The following ANKRD12 variants were observed in gnomAD, a reference collection of about 807,000 sequenced individuals.
ANKRD12 encodes ankyrin repeat domain-containing protein 12.
ANKRD12 carries 85 observed loss-of-function variants against 183.4 expected under a neutral mutation model. The observed-to-expected ratio is 0.46, with a 90% CI of 0.39 to 0.56. The LOEUF (loss-of-function observed/expected upper bound fraction) is 0.56, where lower values mean the gene tolerates loss of function less well. ANKRD12 is among the 20% of genes least tolerant of loss of function. The pLI is 0.00. For synonymous variants in ANKRD12, 914 were observed against 800.2 expected (o/e 1.14, Z -2.40); for missense variants, 2,405 against 2,357.1 (o/e 1.02, Z -0.42).
chr18:9,261,106 A>T (rs2038938915), intron 9 of ANKRD12, among the ~76,000 whole-genome samples: 1 of 152,006 alleles, frequency 6.6e-6, no homozygotes, highest in Admixed American at 6.5e-5. Flanking sequence ...CCTCCATCTC[A>T]CACCAACACA....
intron 7 of ANKRD12, among the ~76,000 whole-genome samples, chr18:9,221,531 G>A (rs575617042): frequency 3.3e-5 from 5 of 152,282 alleles, no homozygotes; most frequent in South Asian, 2.1e-4. Flanking sequence ...AGCAGAACTC[G>A]GAAGTGTAGA....
Position 9,255,560 on chromosome 18 carries a change from G to A in ANKRD12, c.2293G>A (p.Glu765Lys). 1 of 1,568,282 alleles carries A rather than the reference G, an allele frequency of 6.4e-7. No individual in the cohort carries two copies. Among genetic ancestry groups the A allele is most frequent in the Non-Finnish European group, 8.6e-7 (1 of 1,167,472 alleles). ...KKESEKSFREEKIKDLKEERE... is the reference protein window; with the variant it reads ...KKESEKSFREKKIKDLKEERE... The stretch of plus-strand genomic sequence containing the variant: ...GGAAAGCGAGAAATCTTTTAGGGAG[G>A]AAAAAATAAAAGATCTAAAAGAAGA... Residue 765 changes from glutamate (E) to lysine (K), a missense_variant, in exon 9 of 13, where the codon GAA (glutamate) becomes AAA (lysine). Transcript: ENST00000262126.
chr18:9,196,845 T>C (rs1389845224), intron 3 of ANKRD12, among the ~76,000 whole-genome samples: 1 of 151,542 alleles, frequency 6.6e-6, no homozygotes, highest in Non-Finnish European at 1.5e-5. Context: ...TTCAGAATCT[T>C]TTTTTTTTCC....
intron 4 of ANKRD12, among the ~76,000 whole-genome samples, chr18:9,205,904 C>A (rs757932317): frequency 6.6e-6 from 1 of 152,008 alleles, no homozygotes; most frequent in Non-Finnish European, 1.5e-5. Context: ...GGTTTATGAA[C>A]CAAGTTCCCT....
rs965866543 is a variant in ANKRD12 at position 9,176,402 on chromosome 18, C to T, written c.-51-5980C>T. On this transcript the variant is annotated intron_variant, in intron 1 of 12. Transcript: ENST00000262126. ...GCTTCCCAGGCTCAAGGAGTCTTCC[C>T]ACCTCAGCCTCCCCAGTAGCTGGGA... Among the ~76,000 whole-genome samples, 12 of 152,054 alleles carry T rather than the reference C, an allele frequency of 7.9e-5. No individual in the cohort carries two copies. The South Asian group carries it at 2.5e-3, about 32-fold the overall frequency.
chr18:9,144,911 T>C (rs1598383319), intron 1 of ANKRD12, among the ~76,000 whole-genome samples: 1 of 152,232 alleles, frequency 6.6e-6, no homozygotes. Flanking sequence ...ATGTAATAAA[T>C]ATGTATACAT....
chr18:9,205,020 C>T (rs573025860), intron 4 of ANKRD12, among the ~76,000 whole-genome samples: 8 of 152,168 alleles, frequency 5.3e-5, no homozygotes, highest in South Asian at 2.1e-4. Flanking sequence ...ATTCATTAGC[C>T]GTTATTGACT....
In ANKRD12 at chr18:9,215,900, T is replaced by A. The variant is rs371626933; in HGVS notation, c.653-858T>A. On this transcript the variant is annotated intron_variant, in intron 6 of 12. Transcript: ENST00000262126. ...CACATCAGAGGTATTAATAGGTGACTTGATGGAGTTGAATGCTTCCAAAAC... is the reference window on the plus strand; with the variant it reads ...CACATCAGAGGTATTAATAGGTGACATGATGGAGTTGAATGCTTCCAAAAC... Among the ~76,000 whole-genome samples, 17 of 152,166 alleles carry A rather than the reference T, an allele frequency of 1.1e-4. 1 individual carries two copies. The highest frequency in any genetic ancestry group is 4.1e-4 in the African/African-American group (17 of 41,532).
At chr18:9,184,515 C>T (rs914101013) in intron 2 of ANKRD12, among the ~76,000 whole-genome samples, 1 of 152,062 alleles carries the variant, frequency 6.6e-6, no homozygotes. Flanking sequence ...ACCTCAGCCT[C>T]CTGAGTAGCT....
intron 12 of ANKRD12, among the ~76,000 whole-genome samples, chr18:9,280,636 A>G (rs994005720): frequency 6.6e-6 from 1 of 152,142 alleles, no homozygotes; most frequent in Non-Finnish European, 1.5e-5. Context: ...GAAAAATACA[A>G]AAATTAGCTG....
At chr18:9,157,719 C>T (rs1259212786) in intron 1 of ANKRD12, among the ~76,000 whole-genome samples, 1 of 150,418 alleles carries the variant, frequency 6.6e-6, no homozygotes, top group Non-Finnish European at 1.5e-5. Flanking sequence ...TCTTTTGCCT[C>T]AGTATGTTAT....
intron 8 of ANKRD12, among the ~76,000 whole-genome samples, chr18:9,227,978 G>C (rs1007028718): frequency 1.3e-5 from 2 of 151,900 alleles, no homozygotes; most frequent in African/African-American, 4.8e-5. Context: ...CCATTCTCTG[G>C]TATCTGTCAT....
intron 8 of ANKRD12, among the ~76,000 whole-genome samples, chr18:9,227,466 T>C (rs568695490): frequency 6.6e-6 from 1 of 152,332 alleles, no homozygotes; most frequent in South Asian, 2.1e-4. Flanking sequence ...CAGGAAATGT[T>C]TGAGCTTGGA....
At chr18:9,173,645 C>G (rs1280880361) in intron 1 of ANKRD12, among the ~76,000 whole-genome samples, 1 of 151,222 alleles carries the variant, frequency 6.6e-6, no homozygotes, top group Non-Finnish European at 1.5e-5. Context: ...GCAGTACTGA[C>G]CTGTTGCCAG....
At chr18:9,161,286 A>G (rs1486315259) in intron 1 of ANKRD12, among the ~76,000 whole-genome samples, 1 of 152,194 alleles carries the variant, frequency 6.6e-6, no homozygotes, top group Non-Finnish European at 1.5e-5. Context: ...CTGAAAACTT[A>G]GTTGTGAAAG....
At chr18:9,222,596 C>T (rs2036483375) in intron 8 of ANKRD12, among the ~76,000 whole-genome samples, 1 of 151,662 alleles carries the variant, frequency 6.6e-6, no homozygotes, top group Non-Finnish European at 1.5e-5. Flanking sequence ...AAAAGAGTTT[C>T]ATCAGTTTTA....
In ANKRD12 at chr18:9,163,364, C is replaced by T. The variant is rs1054780548; in HGVS notation, c.-51-19018C>T. On this transcript the variant is annotated intron_variant, in intron 1 of 12. Transcript: ENST00000262126. ...GGTCAGATGATTGTGGGTGTGCCAT[C>T]TTATTTCTGAGTTCTCTGTTTTGTT... Among the ~76,000 whole-genome samples, 3 of 152,154 alleles carry T rather than the reference C, an allele frequency of 2.0e-5. No homozygotes were observed. The East Asian group carries it at 5.8e-4, about 29-fold the overall frequency.
In ANKRD12 at chr18:9,197,723, T is replaced by C. The variant is rs555093507; in HGVS notation, c.235+2025T>C. On this transcript the variant is annotated intron_variant, in intron 3 of 12. Transcript: ENST00000262126. ...ATATTTACTATTCATTAAATGGAAA[T>C]GTATCATTATAAAGATCTTCATCCT... is the stretch of plus-strand genomic sequence containing the variant. 2.6e-5 allele frequency among the ~76,000 whole-genome samples: 4 copies of C among 152,312 alleles called. No individual in the cohort carries two copies. The East Asian group carries it at 7.7e-4, about 29-fold the overall frequency.
At chr18:9,254,143 A>G in intron 8 of ANKRD12, 68 bp from the exon 9 acceptor site, 2 of 1,439,592 alleles carry the variant, frequency 1.4e-6, no homozygotes, top group Non-Finnish European at 1.8e-6. Context: ...TTTCTCAGAA[A>G]AAAAAATTAT....
Sources: allele counts gnomAD v4.1 joint callset (sites outside exome capture counted in the v4.1 genomes callset), GRCh38; gene constraint gnomAD v4.1.1; transcripts MANE v1.5; gene names NCBI Gene and HGNC (gene_info 2026-07-23, HGNC 2026-07-21).